The following BAZ2B variants were observed in gnomAD, a reference collection of about 807,000 sequenced individuals.
BAZ2B encodes the protein bromodomain adjacent to zinc finger domain 2B.
Under a neutral mutation model 246.0 loss-of-function variants are expected in BAZ2B, and 91 were observed. The observed-to-expected ratio is 0.37, with a 90% CI of 0.31 to 0.44. The LOEUF is 0.44. BAZ2B is among the 20% of genes least tolerant of loss of function. The probability of loss-of-function intolerance (pLI) is 1.00; values close to 1 mark genes in which losing one functional copy is unlikely to be tolerated. For synonymous variants in BAZ2B, 855 were observed against 860.0 expected (o/e 0.99, Z 0.10); for missense variants, 2,332 against 2,533.7 (o/e 0.92, Z 1.71).
At chr2:159,378,823 G>A (rs2061681801) in intron 25 of BAZ2B, among the ~76,000 whole-genome samples, 1 of 152,128 alleles carries the variant, frequency 6.6e-6, no homozygotes, top group Non-Finnish European at 1.5e-5. Context: ...TGTTGGCAAG[G>A]ATATGGAGAA....
intron 1 of BAZ2B, among the ~76,000 whole-genome samples, chr2:159,578,081 G>T (rs1414272387): frequency 6.6e-6 from 1 of 152,098 alleles, no homozygotes; most frequent in Non-Finnish European, 1.5e-5. Context: ...CATGAAAACT[G>T]TTCTTTTCCC....
intron 36 of BAZ2B, among the ~76,000 whole-genome samples, chr2:159,323,097 G>A (rs567720421): frequency 2.1e-3 from 312 of 149,626 alleles, no homozygotes; most frequent in African/African-American, 6.8e-3. Flanking sequence ...AGTGATTCTT[G>A]TGCCTCATCC....
chr2:159,340,253 G>T (rs1180831107), intron 31 of BAZ2B, among the ~76,000 whole-genome samples: 1 of 150,910 alleles, frequency 6.6e-6, no homozygotes, highest in Non-Finnish European at 1.5e-5. Flanking sequence ...CAAAGAAAAA[G>T]GAAAAAAAGA....
chr2:159,464,304 T>C (rs752967770), intron 3 of BAZ2B: 26 of 152,254 alleles, frequency 1.7e-4, no homozygotes, highest in Admixed American at 3.9e-4. Flanking sequence ...AGTCGTGTTA[T>C]TTCCTCAGTC....
chr2:159,640,184 G>A, the BAZ2B span, among the ~76,000 whole-genome samples: 6 of 152,176 alleles, frequency 3.9e-5, no homozygotes, highest in South Asian at 1.2e-3. Flanking sequence ...ATCCAACACT[G>A]GAGCAGCCAG....
intron 2 of BAZ2B, among the ~76,000 whole-genome samples, chr2:159,541,012 T>C (rs1052134671): frequency 5.3e-5 from 8 of 152,094 alleles, no homozygotes; most frequent in African/African-American, 1.9e-4. Context: ...AATAATAACA[T>C]CAGGTCACAG....
At chr2:159,349,527 CAA>C (rs1436811051) in intron 28 of BAZ2B, among the ~76,000 whole-genome samples, 179 bp downstream of exon 28, 1 of 152,172 alleles carries the variant, frequency 6.6e-6, no homozygotes, top group Non-Finnish European at 1.5e-5. Flanking sequence ...AAGACTTAGA[CAA>C]AGTCTAGAAA....
the BAZ2B span, among the ~76,000 whole-genome samples, chr2:159,706,263 A>G: frequency 6.6e-6 from 1 of 152,186 alleles, no homozygotes; most frequent in African/African-American, 2.4e-5. Context: ...AAGGCGAAAA[A>G]CGGAAAAGAG....
At chr2:159,550,161 C>T (rs964793758) in intron 2 of BAZ2B, among the ~76,000 whole-genome samples, 1 of 152,138 alleles carries the variant, frequency 6.6e-6, no homozygotes, top group Non-Finnish European at 1.5e-5. Flanking sequence ...CATAAACATT[C>T]TTCATCAAGC....
At chr2:159,466,143 C>T (rs1263453988) in intron 3 of BAZ2B, among the ~76,000 whole-genome samples, 1 of 152,094 alleles carries the variant, frequency 6.6e-6, no homozygotes, top group Non-Finnish European at 1.5e-5. Context: ...TCTAGTTAAA[C>T]CATAATTTTG....
intron 2 of BAZ2B, among the ~76,000 whole-genome samples, chr2:159,499,982 A>ATGATAGT (rs1315861837): frequency 6.6e-6 from 1 of 152,074 alleles, no homozygotes; most frequent in Non-Finnish European, 1.5e-5. Flanking sequence ...GTTCACTCTG[A>ATGATAGT]TGATAGTTTC....
downstream of BAZ2B, among the ~76,000 whole-genome samples, chr2:159,315,328 T>C (rs1009067271): frequency 3.9e-5 from 6 of 152,242 alleles, no homozygotes; most frequent in African/African-American, 1.4e-4. Context: ...AAACCAACAA[T>C]AAACATTTAT....
intron 2 of BAZ2B, among the ~76,000 whole-genome samples, chr2:159,499,640 CA>C (rs1158795057): frequency 1.3e-5 from 2 of 152,188 alleles, no homozygotes; most frequent in African/African-American, 4.8e-5. Context: ...CTCCCATCAA[CA>C]GTGTAAAAGC....
rs1319830166 is a variant in BAZ2B, at chr2:159,319,950, G to C, written c.*315C>G. ...TTTCCCACATTAGAGCTCTGGTGTT[G>C]AGTATTCAGTGCGATTTGATATATT... is the stretch of plus-strand genomic sequence containing the variant. On this transcript the variant is annotated 3_prime_UTR_variant, in exon 37 of 37. Coordinates refer to ENST00000392783, the MANE Select transcript of BAZ2B (RefSeq NM_013450.4). This position sits in a 1 kb window ranked among gnomAD's most constrained non-coding sequence, Gnocchi z 4.0. 1.1e-5 allele frequency: 2 copies of C among 175,350 alleles called. No individual in the cohort carries two copies. The highest frequency in any genetic ancestry group is 4.7e-5 in the African/African-American group (2 of 42,618). 10.9% of individuals were successfully genotyped at this position (175,350 alleles called of 1,614,324 possible).
At chr2:159,327,606 A>C (rs1483263747) in intron 34 of BAZ2B, among the ~76,000 whole-genome samples, 3 of 152,204 alleles carry the variant, frequency 2.0e-5, no homozygotes, top group Non-Finnish European at 2.9e-5. Flanking sequence ...AGGAGAACTT[A>C]ATATAATGAA....
chr2:159,325,050 TA>T lies in BAZ2B; in HGVS notation c.6210-97del, dbSNP rs2063323287. 4.0e-4 allele frequency: 2 copies of T among 4,950 alleles called. 1 individual carries two copies. The highest frequency in any genetic ancestry group is 2.1e-3 in the African/African-American group (2 of 938). 0.3% of individuals were successfully genotyped at this position (4,950 alleles called of 1,614,324 possible). On this transcript the variant is annotated intron_variant, in intron 35 of 36. Coordinates refer to ENST00000392783, the MANE Select transcript of BAZ2B (RefSeq NM_013450.4). ...TCAGTTATTATATATATATTATATA[TA>T]TATATATATTATATATATATATATA...
intron 1 of BAZ2B, among the ~76,000 whole-genome samples, chr2:159,559,482 C>T (rs1326198392): frequency 6.6e-6 from 1 of 152,076 alleles, no homozygotes; most frequent in Non-Finnish European, 1.5e-5. Flanking sequence ...TCTAACTATG[C>T]ATATCTGAAT....
rs539770375 is a variant in BAZ2B at position 159,382,664 on chromosome 2, G to A, written c.3900C>T (p.Asp1300=). Residue 1300 remains aspartate, a synonymous_variant, in exon 25 of 37, where the codon GAC becomes GAT. Coordinates refer to ENST00000392783, the MANE Select transcript of BAZ2B (RefSeq NM_013450.4). The part of the protein sequence containing the change: ...RRRKGGDSDY[D]DDDDDDSDDQ... ...CATCACTGTCATCGTCATCATCATC[G>A]TCATAATCACTGTCTCCTCCCTTCC... 51 of 1,603,062 alleles carry A rather than the reference G, an allele frequency of 3.2e-5. No homozygotes were observed. Among genetic ancestry groups the A allele is most frequent in the Middle Eastern group, 1.7e-4 (1 of 6,052 alleles).
chr2:159,603,201 T>C (rs1412454566), intron 1 of BAZ2B, among the ~76,000 whole-genome samples: 1 of 152,216 alleles, frequency 6.6e-6, no homozygotes, highest in Non-Finnish European at 1.5e-5. Flanking sequence ...TGCAGTCTTT[T>C]AAAATACTTA....
Sources: allele counts gnomAD v4.1 joint callset (sites outside exome capture counted in the v4.1 genomes callset), GRCh38; gene constraint gnomAD v4.1.1; non-coding constraint Gnocchi (gnomAD v3.1); transcripts MANE v1.5; gene names NCBI Gene and HGNC (gene_info 2026-07-23, HGNC 2026-07-21).